Variants in KIF1A observed in about 807,000 individuals in gnomAD.
KIF1A encodes the protein kinesin family member 1A, also known as kinesin-like protein KIF1A.
In KIF1A, 46 loss-of-function variants were observed where a neutral mutation model predicts 227.3. That is an observed-to-expected ratio of 0.20 (90% confidence interval 0.16 to 0.26). The LOEUF is 0.26. Among genes scored for constraint, KIF1A ranks in the 10% least tolerant of loss-of-function variants. The pLI, the probability that KIF1A is intolerant of heterozygous loss-of-function variation, is 1.00. For missense variants in KIF1A, 1,683 were observed against 2,485.9 expected (o/e 0.68, Z 6.87); for synonymous variants, 1,022 against 1,012.8 (o/e 1.01, Z -0.17).
chr2:240,741,474 C>G, intron 34 of KIF1A, 97 bp from the exon 35 acceptor site: 3 of 927,338 alleles, frequency 3.2e-6, no homozygotes, highest in South Asian at 4.1e-5. Context: ...CAAAGGGACT[C>G]AGAGGCAGCA....
intron 20 of KIF1A, among the ~76,000 whole-genome samples, chr2:240,764,256 C>T (rs1410880444): frequency 6.6e-6 from 1 of 152,160 alleles, no homozygotes. Flanking sequence ...CCGTATGCAG[C>T]CCACCTCGGA....
At chr2:240,721,774 C>G (rs530648341) in intron 44 of KIF1A, 33 bp downstream of exon 44, 46 of 1,565,456 alleles carry the variant, frequency 2.9e-5, no homozygotes, top group Non-Finnish European at 3.9e-5. Flanking sequence ...CCGAGCCCTG[C>G]GGGGCAGCCT....
intron 27 of KIF1A, among the ~76,000 whole-genome samples, chr2:240,756,118 C>T (rs2049819710): frequency 1.3e-5 from 2 of 152,136 alleles, no homozygotes; most frequent in Non-Finnish European, 2.9e-5. Context: ...GCTTTCCTTC[C>T]ACCATCTCCA....
At chr2:240,762,970 C>G in intron 22 of KIF1A, 49 bp downstream of exon 22, 2 of 1,361,864 alleles carry the variant, frequency 1.5e-6, no homozygotes, top group Non-Finnish European at 1.9e-6. Context: ...ACAGGGGTCC[C>G]CTGGTGTGGG....
Position 240,757,206 on chromosome 2 carries a change from G to T in KIF1A, c.2858+113C>A. 1 of 1,110,194 alleles carries T rather than the reference G, an allele frequency of 9.0e-7. No homozygotes were observed. The highest frequency in any genetic ancestry group is 1.6e-5 in the African/African-American group (1 of 64,110). The allele number at this position is 1,110,194 out of a possible 1,614,324, so 68.8% of individuals were successfully genotyped here. On this transcript the variant is annotated intron_variant, in intron 27 of 48. Coordinates refer to ENST00000498729, the MANE Select transcript of KIF1A (RefSeq NM_001244008.2). The surrounding 1 kb of genome is among the most constrained non-coding windows in gnomAD (Gnocchi z 6.2). ...GGAGGCCAGCCCCTCCACCTGCCTC[G>T]CCTGCCCTGGGAGGGCCCGGGCCAG...
chr2:240,816,874 C>A (rs1479561686), intron 1 of KIF1A, among the ~76,000 whole-genome samples: 1 of 152,206 alleles, frequency 6.6e-6, no homozygotes, highest in Non-Finnish European at 1.5e-5. Context: ...CTTGACTGTG[C>A]CCTCTGCCCC....
At chr2:240,807,078 A>ATGTGTGTG (rs67918205) in intron 1 of KIF1A, among the ~76,000 whole-genome samples, 38 of 95,242 alleles carry the variant, frequency 4.0e-4, no homozygotes, top group East Asian at 1.0e-3. Flanking sequence ...CCTCATATAT[A>ATGTGTGTG]TGTGTGTGTG....
In KIF1A at chr2:240,793,098, C is replaced by T. The variant is rs79085104; in HGVS notation, c.107-3786G>A. On this transcript the variant is annotated intron_variant, in intron 2 of 48. Coordinates refer to ENST00000498729, the MANE Select transcript of KIF1A (RefSeq NM_001244008.2). The surrounding 1 kb of genome is among the most constrained non-coding windows in gnomAD (Gnocchi z 4.8). Reference sequence around the variant, plus strand: ...TGTAACAGCAGCCCCAGGGACCACACGGGTGCTACTGCTGCCCGTGCAGAG... The same window carrying T: ...TGTAACAGCAGCCCCAGGGACCACATGGGTGCTACTGCTGCCCGTGCAGAG... Among the ~76,000 whole-genome samples, 3 of 152,214 alleles carry T rather than the reference C, an allele frequency of 2.0e-5. No individual in the cohort carries two copies. The highest frequency in any genetic ancestry group is 2.9e-5 in the Non-Finnish European group (2 of 68,036).
chr2:240,732,359 GA>G (rs1257445286), intron 38 of KIF1A, among the ~76,000 whole-genome samples: 1 of 139,392 alleles, frequency 7.2e-6, no homozygotes, highest in Non-Finnish European at 1.5e-5. Context: ...GAGAGGGGAG[GA>G]AAAAATGAAG....
Position 240,719,813 on chromosome 2 carries a change from T to C in KIF1A, c.4982A>G (p.Gln1661Arg). 6.2e-7 allele frequency: 1 copy of C among 1,608,346 alleles called. No homozygotes were observed. The highest frequency in any genetic ancestry group is 8.5e-7 in the Non-Finnish European group (1 of 1,177,566). ...CTGGATGTCAGGGACCAGCAGGCGC[T>C]GGGGCTCCTTGTCTGTCTCTGTTGC... is the stretch of plus-strand genomic sequence containing the variant. ...ARATETDKEP[Q>R]RLLVPDIQEI... Residue 1661 changes from glutamine (Q) to arginine (R), a missense_variant, in exon 46 of 49, where the codon CAG becomes CGG. By Grantham distance (43) the Gln-to-Arg change is conservative. Coordinates refer to ENST00000498729, the MANE Select transcript of KIF1A (RefSeq NM_001244008.2).
At chr2:240,810,006 G>C (rs1029351998) in intron 1 of KIF1A, among the ~76,000 whole-genome samples, 1 of 151,882 alleles carries the variant, frequency 6.6e-6, no homozygotes, top group Non-Finnish European at 1.5e-5. Flanking sequence ...TAGAGATAGG[G>C]TTTCGCCACA....
chr2:240,725,445 C>G lies in KIF1A; in HGVS notation c.4123-41G>C. On this transcript the variant is annotated intron_variant, in intron 39 of 48. Coordinates refer to ENST00000498729, the MANE Select transcript of KIF1A (RefSeq NM_001244008.2). The surrounding 1 kb of genome is among the most constrained non-coding windows in gnomAD (Gnocchi z 5.8). ...GCAGGACTCAGGCACAAGGACACCC[C>G]GAGTGCCCAGGTGCCCTTCCAGCCT... The G allele has an allele frequency of 6.2e-7, 1 of 1,604,186 alleles. No individual in the cohort carries two copies. The highest frequency in any genetic ancestry group is 8.5e-7 in the Non-Finnish European group (1 of 1,174,690).
chr2:240,797,954 G>A (rs1488425510), intron 1 of KIF1A, 142 bp from the exon 2 acceptor site: 4 of 534,216 alleles, frequency 7.5e-6, no homozygotes, highest in African/African-American at 1.9e-5. Context: ...AATCCACAAG[G>A]AGAGGAGGCA....
intron 20 of KIF1A, among the ~76,000 whole-genome samples, chr2:240,763,597 G>A (rs2050795135): frequency 6.6e-6 from 1 of 152,202 alleles, no homozygotes; most frequent in Admixed American, 6.5e-5. Flanking sequence ...GGCTTCTGCT[G>A]TGCTCCAGTG....
Position 240,790,515 on chromosome 2 carries a change from C to T in KIF1A, c.107-1203G>A, listed in dbSNP as rs971222704. On this transcript the variant is annotated intron_variant, in intron 2 of 48. Transcript: ENST00000498729. The surrounding 1 kb of genome is among the most constrained non-coding windows in gnomAD (Gnocchi z 5.0). Reference sequence around the variant, plus strand: ...CCCTGGGGACCTGCCACCAGGACCACGGAGAACAAAATGCCCCAGTTACGA... The same window carrying T: ...CCCTGGGGACCTGCCACCAGGACCATGGAGAACAAAATGCCCCAGTTACGA... 3.9e-5 allele frequency among the ~76,000 whole-genome samples: 6 copies of T among 152,058 alleles called. No individual in the cohort carries two copies. The highest frequency in any genetic ancestry group is 5.9e-5 in the Non-Finnish European group (4 of 68,024).
intron 1 of KIF1A, among the ~76,000 whole-genome samples, chr2:240,813,790 G>A (rs2058129426): frequency 6.6e-6 from 1 of 152,160 alleles, no homozygotes; most frequent in Non-Finnish European, 1.5e-5. Context: ...CCTCGGGCGT[G>A]AGAACAGAGT....
intron 1 of KIF1A, among the ~76,000 whole-genome samples, chr2:240,809,594 C>T (rs1490857546): frequency 6.6e-6 from 1 of 151,974 alleles, no homozygotes; most frequent in Non-Finnish European, 1.5e-5. Context: ...GGATTAAAGA[C>T]CTCTATGTTA....
Position 240,757,952 on chromosome 2 carries a change from C to T in KIF1A, c.2583-358G>A, listed in dbSNP as rs2050070353. Among the ~76,000 whole-genome samples the T allele has an allele frequency of 1.3e-5, 2 of 152,174 alleles. No homozygotes were observed. Among genetic ancestry groups the T allele is most frequent in the South Asian group, 2.1e-4 (1 of 4,828 alleles). ...GGGTGAAGGGGGCTGGGTGCAGACCCCAGACTGGAGACCGGGGAAGGAGGC... is the reference window on the plus strand; with the variant it reads ...GGGTGAAGGGGGCTGGGTGCAGACCTCAGACTGGAGACCGGGGAAGGAGGC... On this transcript the variant is annotated intron_variant, in intron 26 of 48. Transcript: ENST00000498729. This position sits in a 1 kb window ranked among gnomAD's most constrained non-coding sequence, Gnocchi z 6.2.
At chr2:240,817,572 G>C (rs2058420410) in intron 1 of KIF1A, among the ~76,000 whole-genome samples, 2 of 152,208 alleles carry the variant, frequency 1.3e-5, no homozygotes, top group Admixed American at 1.3e-4. Context: ...TGACGGGATT[G>C]GCCAGCTAGG....
Sources: allele counts gnomAD v4.1 joint callset (sites outside exome capture counted in the v4.1 genomes callset), GRCh38; gene constraint gnomAD v4.1.1; non-coding constraint Gnocchi (gnomAD v3.1); transcripts MANE v1.5; gene names NCBI Gene and HGNC (gene_info 2026-07-23, HGNC 2026-07-21).